Variants in NBEA observed in about 807,000 individuals in gnomAD.
NBEA encodes the protein lysosomal-trafficking regulator 2.
In NBEA, 44 loss-of-function variants were observed where a neutral mutation model predicts 343.4. The ratio of observed to expected loss-of-function variants is 0.13; its 90% CI spans 0.10 to 0.16. The LOEUF is 0.16. Among genes scored for constraint, NBEA ranks in the 10% least tolerant of loss-of-function variants. The pLI is 1.00. For missense variants in NBEA, 2,555 were observed against 3,631.3 expected, an observed-to-expected ratio of 0.70 and a Z score of 7.62; for synonymous variants, 1,175 against 1,238.7, an observed-to-expected ratio of 0.95 and a Z score of 1.08.
chr13:35,542,376 A>G (rs963756597), intron 41 of NBEA, among the ~76,000 whole-genome samples: 1 of 152,084 alleles, frequency 6.6e-6, no homozygotes. Context: ...GTTTTATATT[A>G]CTGAATTATT....
chr13:35,365,988 A>G (rs2041087143), intron 38 of NBEA, among the ~76,000 whole-genome samples: 1 of 151,580 alleles, frequency 6.6e-6, no homozygotes, highest in African/African-American at 2.4e-5. Context: ...GTGTAGTTGG[A>G]AAGTGCCATT....
At chr13:35,661,335 G>C (rs780629901) in intron 55 of NBEA, among the ~76,000 whole-genome samples, 18 of 152,292 alleles carry the variant, frequency 1.2e-4, no homozygotes, top group South Asian at 8.3e-4. Context: ...GACTTCAAGA[G>C]AAGAGGTTGT....
chr13:35,440,579 T>A (rs767083423), intron 39 of NBEA, among the ~76,000 whole-genome samples: 4 of 152,116 alleles, frequency 2.6e-5, no homozygotes, highest in Non-Finnish European at 5.9e-5. Flanking sequence ...GAGCACATAA[T>A]ACAACATAAT....
chr13:34,984,635 AGT>A (rs1301215512), intron 1 of NBEA, among the ~76,000 whole-genome samples: 7 of 151,092 alleles, frequency 4.6e-5, no homozygotes, highest in Non-Finnish European at 1.0e-4. Context: ...TATCTTGGGC[AGT>A]ATGGCCATTT....
At chr13:35,231,487 A>G (rs1334927642) in intron 33 of NBEA, among the ~76,000 whole-genome samples, 1 of 152,096 alleles carries the variant, frequency 6.6e-6, no homozygotes, top group East Asian at 1.9e-4. Context: ...AACTGTACAT[A>G]TCGTCTGTGT....
intron 38 of NBEA, among the ~76,000 whole-genome samples, chr13:35,357,805 G>A (rs1233628632): frequency 6.6e-6 from 1 of 151,896 alleles, no homozygotes; most frequent in East Asian, 1.9e-4. Flanking sequence ...CTACTAAATT[G>A]AGTTACGTTA....
chr13:35,594,852 G>A (rs1487285486), intron 47 of NBEA, among the ~76,000 whole-genome samples: 3 of 151,280 alleles, frequency 2.0e-5, no homozygotes, highest in South Asian at 2.1e-4. Context: ...GCTTCTTATC[G>A]CAGTTAAGAT....
intron 1 of NBEA, among the ~76,000 whole-genome samples, chr13:34,967,583 A>C (rs2059863494): frequency 6.6e-6 from 1 of 152,046 alleles, no homozygotes; most frequent in South Asian, 2.1e-4. Context: ...TAAATACATA[A>C]ATCGGTAGTG....
intron 1 of NBEA, among the ~76,000 whole-genome samples, chr13:34,976,428 A>AT (rs2060176203): frequency 6.6e-6 from 1 of 152,074 alleles, no homozygotes; most frequent in African/African-American, 2.4e-5. Flanking sequence ...GGGGCAAAGA[A>AT]TGGGGGGTGG....
At chr13:35,104,487 A>G (rs1593356399) in intron 11 of NBEA, among the ~76,000 whole-genome samples, 1 of 152,078 alleles carries the variant, frequency 6.6e-6, no homozygotes. Flanking sequence ...TGAATTGAGT[A>G]TATGAAAAGT....
At chr13:35,660,612 C>G (rs1566475972) in intron 55 of NBEA, among the ~76,000 whole-genome samples, 1 of 152,188 alleles carries the variant, frequency 6.6e-6, no homozygotes, top group African/African-American at 2.4e-5. Flanking sequence ...GACGCTGACC[C>G]TCCTGCCAGC....
chr13:35,238,820 A>G (rs1208774463), intron 34 of NBEA, among the ~76,000 whole-genome samples: 2 of 152,134 alleles, frequency 1.3e-5, no homozygotes, highest in Non-Finnish European at 2.9e-5. Context: ...ATACTCAAGA[A>G]TATTTATGGT....
At chr13:35,531,094 G>A (rs1206405056) in intron 41 of NBEA, among the ~76,000 whole-genome samples, 4 of 151,924 alleles carry the variant, frequency 2.6e-5, no homozygotes, top group South Asian at 4.2e-4. Context: ...TAAGACTAAC[G>A]ATTTGCCAAA....
intron 35 of NBEA, among the ~76,000 whole-genome samples, chr13:35,300,339 C>T (rs891006850): frequency 9.9e-5 from 15 of 151,946 alleles, no homozygotes; most frequent in African/African-American, 3.6e-4. Context: ...ACAAGAAAAA[C>T]AAGTATTTTT....
intron 1 of NBEA, among the ~76,000 whole-genome samples, chr13:34,966,624 T>G (rs1163217210): frequency 6.6e-6 from 1 of 151,548 alleles, no homozygotes; most frequent in African/African-American, 2.4e-5. Context: ...AGCCTGTGTT[T>G]TTTTTTTTTT....
At position 35,058,301 on chromosome 13, in the gene NBEA, T is replaced by C. The variant is rs77850730; in HGVS notation, c.1093-416T>C. ...GAAAAATAAAGTAGAATAAAAAAAT[T>C]AGACCCTATGTGTTCATGATTAAAT... On this transcript the variant is annotated intron_variant, in intron 7 of 58. Transcript: ENST00000379939. Among the ~76,000 whole-genome samples, 516 of 152,286 alleles carry C rather than the reference T, an allele frequency of 3.4e-3. 25 individuals are homozygous for C. The East Asian group carries it at 0.089, about 26-fold the overall frequency.
At chr13:34,970,805 G>A (rs570853510) in intron 1 of NBEA, among the ~76,000 whole-genome samples, 34 of 152,212 alleles carry the variant, frequency 2.2e-4, no homozygotes, top group African/African-American at 7.2e-4. Context: ...GTTGGGTAGC[G>A]TGATGCCTCT....
rs538652688 is a variant in NBEA, at chr13:35,582,858, C to G, written c.7036-1040C>G. Among the ~76,000 whole-genome samples, 344 of 152,266 alleles carry G rather than the reference C, an allele frequency of 2.3e-3. 1 individual carries two copies. Among genetic ancestry groups the G allele is most frequent in the Admixed American group, 7.0e-3 (107 of 15,302 alleles). On this transcript the variant is annotated intron_variant, in intron 45 of 58. Coordinates refer to ENST00000379939, the MANE Select transcript of NBEA (RefSeq NM_001385012.1). ...ACAATTTATAAATGAATCTTCCTCT[C>G]TTGTGTAACATTATGTGTCCCTTTG...
chr13:35,264,612 GT>G (rs1378603934), intron 34 of NBEA, among the ~76,000 whole-genome samples: 4 of 4,848 alleles, frequency 8.3e-4, no homozygotes, highest in Non-Finnish European at 2.1e-3. Flanking sequence ...TCAATAAATG[GT>G]GATACATCAC....
Sources: allele counts gnomAD v4.1 joint callset (sites outside exome capture counted in the v4.1 genomes callset), GRCh38; gene constraint gnomAD v4.1.1; transcripts MANE v1.5; gene names NCBI Gene and HGNC (gene_info 2026-07-23, HGNC 2026-07-21).